Variants in KRT6C observed in about 807,000 individuals in gnomAD.
KRT6C encodes keratin 6C.
A neutral mutation model predicts 49.4 loss-of-function variants in KRT6C; 46 were observed. That is an observed-to-expected ratio of 0.93 (90% CI 0.74 to 1.19). KRT6C has a LOEUF of 1.19. KRT6C is among the 50% of genes most tolerant of loss of function. The pLI, the probability that KRT6C is intolerant of heterozygous loss-of-function variation, is 0.00. For missense variants in KRT6C, 552 were observed against 737.5 expected (o/e 0.75, Z 2.91); for synonymous variants, 236 against 297.1 (o/e 0.79, Z 2.12).
chr12:52,468,587 CTG>C lies in KRT6C; in HGVS notation c.*473_*474del, dbSNP rs1317221807. Reference sequence around the variant, plus strand: ...AGAGAAATCATCACAGGGAGAAAGACTGTGTACATCATACGACTAGTCACTTG... The same window carrying C: ...AGAGAAATCATCACAGGGAGAAAGACTGTACATCATACGACTAGTCACTTG... On this transcript the variant is annotated 3_prime_UTR_variant, in exon 9 of 9. Transcript: ENST00000252250. 1 of 176,240 alleles carries C rather than the reference CTG, an allele frequency of 5.7e-6. No individual in the cohort carries two copies. The highest frequency in any genetic ancestry group is 1.2e-5 in the Non-Finnish European group (1 of 81,626). 10.9% of individuals were successfully genotyped at this position (176,240 alleles called of 1,614,324 possible).
At chr12:52,470,473 A>G (rs1034395695) in intron 6 of KRT6C, 32 bp downstream of exon 6, 2 of 1,614,004 alleles carry the variant, frequency 1.2e-6, no homozygotes, top group Admixed American at 1.7e-5. Context: ...GCAAAAAATG[A>G]TGCTTCTTTC....
intron 1 of KRT6C, among the ~76,000 whole-genome samples, chr12:52,472,759 T>C (rs61914523): frequency 9.0e-6 from 1 of 111,288 alleles, no homozygotes; most frequent in African/African-American, 2.9e-5. Context: ...TTTATCCATG[T>C]TTTACAGTTG....
At chr12:52,469,530 A>T in intron 7 of KRT6C, 85 bp from the exon 8 acceptor site, 1 of 1,613,182 alleles carries the variant, frequency 6.2e-7, no homozygotes, top group Non-Finnish European at 8.5e-7. Flanking sequence ...TGGGTGGAAG[A>T]GTCCATGGGA....
At position 52,471,257 on chromosome 12, in the gene KRT6C, C is replaced by T. The variant is rs556897198; in HGVS notation, c.952G>A (p.Val318Met). Residue 318 changes from valine to methionine, a missense_variant, in exon 5 of 9, where the codon GTG becomes ATG. Val to Met is a conservative substitution (Grantham distance 21). Coordinates refer to ENST00000252250, the MANE Select transcript of KRT6C (RefSeq NM_173086.5). ...QMQTHISDTS[V>M]VLSMDNNRNL... ...CGGTTGTTGTCCATGGATAGCACCA[C>T]GGATGTGTCTGAGATGTGGGTCTGC... The T allele has an allele frequency of 6.8e-6, 11 of 1,614,188 alleles. No individual in the cohort carries two copies. The highest frequency in any genetic ancestry group is 3.3e-5 in the South Asian group (3 of 91,084).
chr12:52,469,598 T>C, intron 7 of KRT6C, 72 bp downstream of exon 7: 1 of 1,613,652 alleles, frequency 6.2e-7, no homozygotes, highest in Non-Finnish European at 8.5e-7. Context: ...CAGTGCACCC[T>C]AGAATTGTGC....
rs1382004551 is a variant in KRT6C at position 52,468,577 on chromosome 12, G to A, written c.*485C>T. 6.0e-6 allele frequency: 1 copy of A among 167,588 alleles called. No individual in the cohort carries two copies. Among genetic ancestry groups the A allele is most frequent in the African/African-American group, 2.4e-5 (1 of 41,664 alleles). 10.4% of individuals were successfully genotyped at this position (167,588 alleles called of 1,614,324 possible). A position where few individuals can be genotyped will look rare whatever the true frequency, so the allele number is the denominator to read the frequency against. ...AGCAAAGAGCAGAGAAATCATCACA[G>A]GGAGAAAGACTGTGTACATCATACG... On this transcript the variant is annotated 3_prime_UTR_variant, in exon 9 of 9. Transcript: ENST00000252250.
At position 52,469,774 on chromosome 12, in the gene KRT6C, G is replaced by T; in HGVS notation, c.1320C>A (p.Asp440Glu). The T allele has an allele frequency of 6.2e-7, 1 of 1,614,116 alleles. No homozygotes were observed. The highest frequency in any genetic ancestry group is 8.5e-7 in the Non-Finnish European group (1 of 1,180,000). The change falls in exon 7 of 9, where the codon GAC becomes GAA. Residue 440 changes from aspartate (D) to glutamate (E), a missense_variant. Transcript: ENST00000252250. ...GGTACTCCTTCAGCAGCCGGGCCAG[G>T]TCCTGCTTGGCCTTCTGCAGGGCAT... ...LEDALQKAKQ[D>E]LARLLKEYQE...
intron 1 of KRT6C, among the ~76,000 whole-genome samples, chr12:52,472,542 C>T (rs4761797): frequency 0.38 from 50,636 of 133,442 alleles, 15,458 homozygotes; most frequent in Admixed American, 0.54. Context: ...CATTTCTTCT[C>T]TTCTTTTTCC....
chr12:52,470,389 G>C lies in KRT6C; in HGVS notation c.1203+116C>G, dbSNP rs978822243. The C allele has an allele frequency of 2.5e-6, 4 of 1,569,396 alleles. No homozygotes were observed. In the African/African-American group the frequency reaches 5.4e-5, roughly 21 times the overall value. The stretch of plus-strand genomic sequence containing the variant: ...CTCACTGAGGGCAAGAACTACACAT[G>C]TTCCTCACCCTAGTGTTGGTTTACG... On this transcript the variant is annotated intron_variant, in intron 6 of 8. Transcript: ENST00000252250.
Position 52,468,866 on chromosome 12 carries a change from T to C in KRT6C, c.*196A>G. The stretch of plus-strand genomic sequence containing the variant: ...ATTATGATGTAAAATCAAAGGTTGA[T>C]CTGATGGTGAGCAATGGGTGCTCAG... On this transcript the variant is annotated 3_prime_UTR_variant, in exon 9 of 9. Coordinates refer to ENST00000252250, the MANE Select transcript of KRT6C (RefSeq NM_173086.5). The C allele has an allele frequency of 4.7e-6, 3 of 640,488 alleles. No individual in the cohort carries two copies. The highest frequency in any genetic ancestry group is 8.2e-6 in the Non-Finnish European group (3 of 365,454). 39.7% of individuals were successfully genotyped at this position (640,488 alleles called of 1,614,324 possible).
In KRT6C at chr12:52,473,805, C is replaced by T; in HGVS notation, c.-68G>A. 6.2e-7 allele frequency: 1 copy of T among 1,610,206 alleles called. No individual in the cohort carries two copies. The highest frequency in any genetic ancestry group is 1.1e-5 in the South Asian group (1 of 90,622). On this transcript the variant is annotated 5_prime_UTR_variant, in exon 1 of 9. Transcript: ENST00000252250. ...GAGGCGAGAGGCAGGAGAAGCAGGACAAGGAATCGGGCTCCAGCAGTAGCT... is the reference window on the plus strand; with the variant it reads ...GAGGCGAGAGGCAGGAGAAGCAGGATAAGGAATCGGGCTCCAGCAGTAGCT...
In KRT6C at chr12:52,471,413, A is replaced by T. The variant is rs776273513; in HGVS notation, c.912+8T>A. 182 of 1,613,486 alleles carry T rather than the reference A, an allele frequency of 1.1e-4. No individual in the cohort carries two copies. The highest frequency in any genetic ancestry group is 8.6e-4 in the South Asian group (78 of 91,076). On this transcript the variant is annotated splice_region_variant and intron_variant, in intron 4 of 8. Coordinates refer to ENST00000252250, the MANE Select transcript of KRT6C (RefSeq NM_173086.5). ...CAGAGTAAACAGAAGGATGGTGGAG[A>T]TGCTTACTGCATCATACAAGGCTCT...
chr12:52,470,531 A>T lies in KRT6C; in HGVS notation c.1177T>A (p.Ser393Thr). 2.2e-5 allele frequency: 35 copies of T among 1,614,066 alleles called. No homozygotes were observed. Among genetic ancestry groups the T allele is most frequent in the Non-Finnish European group, 3.0e-5 (35 of 1,180,014 alleles). ...TGCTTCTTGACATGGTCGATCTCAG[A>T]TCTCAGCCTCTGGATCATGCGGTTG... ...EINRMIQRLR[S>T]EIDHVKKQCA... is the part of the protein sequence containing the mutation. The change falls in exon 6 of 9, where the codon TCT (serine) becomes ACT (threonine). Residue 393 changes from serine to threonine, a missense_variant. Ser to Thr is a moderately conservative substitution (Grantham distance 58, BLOSUM62 1). Coordinates refer to ENST00000252250, the MANE Select transcript of KRT6C (RefSeq NM_173086.5).
At position 52,473,620 on chromosome 12, in the gene KRT6C, G is replaced by A. The variant is rs541854809; in HGVS notation, c.118C>T (p.Arg40Cys). Reference sequence around the variant, plus strand: ...CCCAGGCCACCACTGCCCCTGGAGCGGGACACGGAGATGCTGCTGAAGCCA... The same window carrying A: ...CCCAGGCCACCACTGCCCCTGGAGCAGGACACGGAGATGCTGCTGAAGCCA... ...RSGFSSISVS[R>C]SRGSGGLGGA... The change falls in exon 1 of 9, where the codon CGC becomes TGC. Residue 40 changes from arginine to cysteine, a missense_variant. Arg to Cys is a radical substitution (Grantham distance 180, BLOSUM62 -3). This residue lies in a region of KRT6C where 73 missense variants were observed against 102.1 expected (regional missense o/e 0.71). Coordinates refer to ENST00000252250, the MANE Select transcript of KRT6C (RefSeq NM_173086.5). 94 of 1,609,824 alleles carry A rather than the reference G, an allele frequency of 5.8e-5. 1 individual carries two copies. The East Asian group carries it at 1.4e-3, about 24-fold the overall frequency.
chr12:52,473,132 G>A (rs1937916958), intron 1 of KRT6C, 66 bp downstream of exon 1: 2 of 1,385,630 alleles, frequency 1.4e-6, no homozygotes, highest in African/African-American at 1.4e-5. Flanking sequence ...CTCCCTAGCA[G>A]GAAGGTGTTG....
At chr12:52,470,853 A>C (rs550529511) in intron 5 of KRT6C, among the ~76,000 whole-genome samples, 17 of 152,260 alleles carry the variant, frequency 1.1e-4, no homozygotes, top group African/African-American at 4.1e-4. Context: ...AGGGAGTAGA[A>C]ATATTCTGTA....
Position 52,468,959 on chromosome 12 carries a change from CAGGGA to C in KRT6C, c.*98_*102del. On this transcript the variant is annotated 3_prime_UTR_variant, in exon 9 of 9. Coordinates refer to ENST00000252250, the MANE Select transcript of KRT6C (RefSeq NM_173086.5). ...CCATACCCAGCTCTACCTCGGAGAG[CAGGGA>C]AGACTAGAGGCCAGGAGAGGATAGG... The C allele has an allele frequency of 6.9e-7, 1 of 1,459,114 alleles. No individual in the cohort carries two copies. The highest frequency in any genetic ancestry group is 9.5e-7 in the Non-Finnish European group (1 of 1,050,994). The allele number at this position is 1,459,114 out of a possible 1,614,324, so 90.4% of individuals were successfully genotyped here.
chr12:52,469,454 A>G lies in KRT6C; in HGVS notation c.1425-9T>C. 6.2e-7 allele frequency: 1 copy of G among 1,613,920 alleles called. No individual in the cohort carries two copies. Among genetic ancestry groups the G allele is most frequent in the Non-Finnish European group, 8.5e-7 (1 of 1,179,840 alleles). The stretch of plus-strand genomic sequence containing the variant: ...CGCCTTCGCCATTCAGCCTGTGGAG[A>G]GGAACACAGGGAGGGTGAGACCTCA... On this transcript the variant is annotated splice_polypyrimidine_tract_variant and intron_variant, in intron 7 of 8. Transcript: ENST00000252250.
In KRT6C at chr12:52,469,245, G is replaced by A. The variant is rs1937827831; in HGVS notation, c.1512C>T (p.Gly504=). ...SSGYGGASGV[G]SGLGLGGGSS... is the part of the protein sequence containing the mutation. ...TTCCTCCACCCAGGCCTAAGCCACT[G>A]CCGACACCGCTGGCACCGCCATAGC... Residue 504 remains glycine (G), a synonymous_variant, in exon 9 of 9, where the codon GGC becomes GGT. Transcript: ENST00000252250. The A allele has an allele frequency of 1.9e-6, 3 of 1,613,806 alleles. No homozygotes were observed. The highest frequency in any genetic ancestry group is 1.3e-5 in the African/African-American group (1 of 74,930).
Sources: gnomAD v4.1 joint callset for allele counts (sites outside exome capture counted in the v4.1 genomes callset) on GRCh38, gnomAD v4.1.1 for gene constraint, gnomAD v4.1.1 regional missense constraint, MANE v1.5 for transcripts, NCBI Gene and HGNC (gene_info 2026-07-23, HGNC 2026-07-21) for gene names.